Variants in DTNA observed in about 807,000 individuals in gnomAD.
DTNA encodes dystrophin-related protein 3.
Under a neutral mutation model 100.7 loss-of-function variants are expected in DTNA, and 43 were observed. The observed-to-expected ratio is 0.43, with a 90% confidence interval of 0.33 to 0.55. The LOEUF (loss-of-function observed/expected upper bound fraction) is 0.55, where lower values mean the gene tolerates loss of function less well. DTNA is among the 20% of genes least tolerant of loss of function. The pLI, the probability that DTNA is intolerant of heterozygous loss-of-function variation, is 0.04. For missense variants in DTNA, 798 were observed against 953.9 expected (o/e 0.84, Z 2.15); for synonymous variants, 349 against 347.9 (o/e 1.00, Z -0.04).
intron 3 of DTNA, among the ~76,000 whole-genome samples, chr18:34,786,549 C>T (rs1372570837): frequency 3.9e-5 from 6 of 152,104 alleles, no homozygotes; most frequent in African/African-American, 1.4e-4. Flanking sequence ...TAACAGAAAC[C>T]TCAGACACCA....
At chr18:34,560,286 A>T (rs1395395175) in intron 1 of DTNA, among the ~76,000 whole-genome samples, 1 of 152,258 alleles carries the variant, frequency 6.6e-6, no homozygotes, top group African/African-American at 2.4e-5. Context: ...CACAATATGT[A>T]CCATAATGCC....
At chr18:34,679,450 T>C (rs1356404907) in intron 1 of DTNA, 1 of 152,174 alleles carries the variant, frequency 6.6e-6, no homozygotes, top group Non-Finnish European at 1.5e-5. Context: ...TAAATAAAAG[T>C]CTACTTTCTC....
At position 34,798,225 on chromosome 18, in the gene DTNA, C is replaced by T. The variant is rs12968898; in HGVS notation, c.362+3975C>T. Among the ~76,000 whole-genome samples the T allele has an allele frequency of 9.1e-3, 1,379 of 152,272 alleles. 11 individuals are homozygous for T. Among genetic ancestry groups the T allele is most frequent in the Non-Finnish European group, 0.015 (991 of 68,006 alleles). ...ATATTGCTCAGGCTGGTCTTGAACT[C>T]CTGGGCTCAAGCAATCCACCTGCCT... On this transcript the variant is annotated intron_variant, in intron 4 of 22. Transcript: ENST00000444659.
At chr18:34,549,601 C>G (rs573064709) in intron 1 of DTNA, among the ~76,000 whole-genome samples, 1 of 152,140 alleles carries the variant, frequency 6.6e-6, no homozygotes, top group Non-Finnish European at 1.5e-5. Flanking sequence ...TTACATCCTA[C>G]TTGTAATTCA....
intron 1 of DTNA, among the ~76,000 whole-genome samples, chr18:34,670,443 A>T (rs2076584669): frequency 6.6e-6 from 1 of 152,208 alleles, no homozygotes; most frequent in Non-Finnish European, 1.5e-5. Flanking sequence ...TTCTCCGTCC[A>T]GCTTTGTTCC....
chr18:34,538,251 A>G (rs1423029646), intron 1 of DTNA, among the ~76,000 whole-genome samples: 1 of 152,068 alleles, frequency 6.6e-6, no homozygotes, highest in East Asian at 1.9e-4. Flanking sequence ...ACCCAGACCT[A>G]CTGAAACAGA....
intron 1 of DTNA, among the ~76,000 whole-genome samples, chr18:34,655,663 C>G (rs1386746433): frequency 6.6e-6 from 1 of 152,128 alleles, no homozygotes; most frequent in African/African-American, 2.4e-5. Flanking sequence ...ATTGTGTCCT[C>G]TTTTCTATAA....
At chr18:34,771,316 G>A (rs1292467883) in intron 3 of DTNA, among the ~76,000 whole-genome samples, 2 of 151,986 alleles carry the variant, frequency 1.3e-5, no homozygotes, top group African/African-American at 4.8e-5. Context: ...TGGCTAACAT[G>A]GTGATACCCC....
intron 1 of DTNA, among the ~76,000 whole-genome samples, chr18:34,750,012 T>A (rs1338002991): frequency 6.6e-6 from 1 of 152,202 alleles, no homozygotes; most frequent in Non-Finnish European, 1.5e-5. Flanking sequence ...ATGGCCTTCA[T>A]TGTGGTTATT....
At position 34,817,895 on chromosome 18, in the gene DTNA, G is replaced by A. The variant is rs2095631403; in HGVS notation, c.710-269G>A. ...TAAATTCTTGTAATGTGAGAGATGG[G>A]AATAGAAAGAGCAAATGGCATTACA... On this transcript the variant is annotated intron_variant, in intron 7 of 22. Coordinates refer to ENST00000444659, the MANE Select transcript of DTNA (RefSeq NM_001386795.1). 6 of 1,226,776 alleles carry A rather than the reference G, an allele frequency of 4.9e-6. No homozygotes were observed. The South Asian group carries it at 7.8e-5, about 16-fold the overall frequency. The allele number at this position is 1,226,776 out of a possible 1,614,324, so 76.0% of individuals were successfully genotyped here. A position where few individuals can be genotyped will look rare whatever the true frequency, so the allele number is the denominator to read the frequency against.
chr18:34,778,361 G>A (rs1036960783), intron 3 of DTNA, among the ~76,000 whole-genome samples: 1 of 152,156 alleles, frequency 6.6e-6, no homozygotes, highest in Non-Finnish European at 1.5e-5. Context: ...AATGTAGAGT[G>A]GCACCGATTG....
At chr18:34,591,274 A>G (rs902554505) in intron 1 of DTNA, among the ~76,000 whole-genome samples, 1 of 152,202 alleles carries the variant, frequency 6.6e-6, no homozygotes, top group African/African-American at 2.4e-5. Flanking sequence ...CATAATATAC[A>G]TTCTATATAA....
intron 1 of DTNA, among the ~76,000 whole-genome samples, chr18:34,613,257 C>G (rs1453947748): frequency 1.3e-5 from 2 of 152,208 alleles, no homozygotes; most frequent in Non-Finnish European, 2.9e-5. Flanking sequence ...ACTGACCAGC[C>G]ATTCCTCCAT....
chr18:34,544,666 A>G (rs988393359), intron 1 of DTNA, among the ~76,000 whole-genome samples: 3 of 152,122 alleles, frequency 2.0e-5, no homozygotes, highest in African/African-American at 4.8e-5. Context: ...GCTATTTTTC[A>G]TAACATCTTT....
chr18:34,563,407 G>A (rs2046811951), intron 1 of DTNA, among the ~76,000 whole-genome samples: 1 of 152,166 alleles, frequency 6.6e-6, no homozygotes, highest in African/African-American at 2.4e-5. Flanking sequence ...TTGGATTTCT[G>A]ACCTCCTAAA....
At chr18:34,610,428 G>T (rs990477400) in intron 1 of DTNA, among the ~76,000 whole-genome samples, 2 of 152,134 alleles carry the variant, frequency 1.3e-5, no homozygotes, top group African/African-American at 2.4e-5. Flanking sequence ...CTGGTTTAAA[G>T]TCCAGAAACT....
At chr18:34,638,231 A>G (rs2058864165) in intron 1 of DTNA, among the ~76,000 whole-genome samples, 1 of 152,198 alleles carries the variant, frequency 6.6e-6, no homozygotes, top group Non-Finnish European at 1.5e-5. Flanking sequence ...CCTAAGTGGA[A>G]TTATTGTTAA....
At position 34,680,738 on chromosome 18, in the gene DTNA, C is replaced by T. The variant is rs529917513; in HGVS notation, c.-1-75238C>T. ...AGTTCCCAGAAGCTAAACTTGGTGC[C>T]CATCAAAAATACCAGTAAATCAATT... On this transcript the variant is annotated intron_variant, in intron 1 of 19. Coordinates refer to the DTNA transcript ENST00000283365. Among the ~76,000 whole-genome samples the T allele has an allele frequency of 2.0e-5, 3 of 152,080 alleles. No homozygotes were observed. In the South Asian group the frequency reaches 6.2e-4, roughly 32 times the overall value.
At chr18:34,600,459 C>G (rs2849501) in intron 1 of DTNA, among the ~76,000 whole-genome samples, 30,029 of 152,042 alleles carry the variant, frequency 0.2, 3,326 homozygotes, top group African/African-American at 0.28. Context: ...ATAGTTCACA[C>G]ATTTATAGAT....
Sources: gnomAD v4.1 joint callset for allele counts (sites outside exome capture counted in the v4.1 genomes callset) on GRCh38, gnomAD v4.1.1 for gene constraint, MANE v1.5 for transcripts, NCBI Gene and HGNC (gene_info 2026-07-23, HGNC 2026-07-21) for gene names.